The following OXR1 variants were observed in gnomAD, a reference collection of about 807,000 sequenced individuals.
The protein encoded by OXR1 is oxidation resistance protein 1.
OXR1 carries 41 observed loss-of-function variants against 104.6 expected under a neutral mutation model. The observed-to-expected ratio is 0.39, with a 90% CI of 0.31 to 0.51. The LOEUF (loss-of-function observed/expected upper bound fraction) is 0.51. Among genes scored for constraint, OXR1 ranks in the 20% least tolerant of loss-of-function variants. OXR1 has a pLI of 0.77. For synonymous variants in OXR1, 348 were observed against 348.4 expected (o/e 1.00, Z 0.01); for missense variants, 955 against 1,031.9 (o/e 0.93, Z 1.02).
intron 1 of OXR1, chr8:106,272,452 T>G (rs550853365): frequency 2.0e-5 from 3 of 152,302 alleles, no homozygotes; most frequent in Admixed American, 2.0e-4. Context: ...AAAGGTCCAG[T>G]CCCTGAGATC....
At chr8:106,502,616 T>C (rs1454182965) in intron 2 of OXR1, among the ~76,000 whole-genome samples, 1 of 152,196 alleles carries the variant, frequency 6.6e-6, no homozygotes, top group Non-Finnish European at 1.5e-5. Flanking sequence ...GATTCACCTA[T>C]AATTTTTGCT....
chr8:106,482,552 GCA>G (rs1481571341), intron 2 of OXR1, among the ~76,000 whole-genome samples: 3 of 151,944 alleles, frequency 2.0e-5, no homozygotes, highest in Admixed American at 6.6e-5. Flanking sequence ...ACTCAAGCTT[GCA>G]CACAGTGTCC....
chr8:106,384,221 A>T (rs535133038), intron 2 of OXR1, among the ~76,000 whole-genome samples: 11 of 152,348 alleles, frequency 7.2e-5, no homozygotes, highest in Non-Finnish European at 1.2e-4. Context: ...GTCTGTGATG[A>T]TGATGGTATC....
intron 2 of OXR1, among the ~76,000 whole-genome samples, chr8:106,478,675 T>C (rs1821934924): frequency 6.6e-6 from 1 of 151,772 alleles, no homozygotes; most frequent in Non-Finnish European, 1.5e-5. Context: ...GAGATGTCAA[T>C]GCCTTTGAGG....
intron 2 of OXR1, among the ~76,000 whole-genome samples, chr8:106,466,398 C>A (rs944895316): frequency 6.6e-6 from 1 of 151,600 alleles, no homozygotes; most frequent in Non-Finnish European, 1.5e-5. Context: ...TTTTTCAATG[C>A]CAATTCTTTT....
chr8:106,550,938 T>A (rs916057468), intron 3 of OXR1, among the ~76,000 whole-genome samples: 4 of 152,242 alleles, frequency 2.6e-5, no homozygotes, highest in African/African-American at 9.6e-5. Context: ...CTCAATTGTT[T>A]ATTCTAGAAT....
intron 1 of OXR1, among the ~76,000 whole-genome samples, chr8:106,323,329 G>A (rs144505890): frequency 2.9e-4 from 44 of 152,096 alleles, no homozygotes; most frequent in African/African-American, 9.6e-4. Context: ...AACTGGCTAG[G>A]CATATGCAGA....
intron 16 of OXR1, among the ~76,000 whole-genome samples, chr8:106,746,793 G>T (rs569964761): frequency 4.0e-5 from 6 of 150,522 alleles, no homozygotes; most frequent in South Asian, 2.1e-4. Flanking sequence ...TATACCTTTT[G>T]GGGGGGGTAT....
rs539810565 is a variant in OXR1, at chr8:106,398,895, T to C, written c.23+39259T>C. ...TCACTGCTTCACTCACTGAGTCTTA[T>C]TGTTCTCTAAAAATAATCCTTTCAC... On this transcript the variant is annotated intron_variant, in intron 2 of 16. Transcript: ENST00000517566. Among the ~76,000 whole-genome samples, 6 of 152,296 alleles carry C rather than the reference T, an allele frequency of 3.9e-5. No homozygotes were observed. In the South Asian group the frequency reaches 8.3e-4, roughly 21 times the overall value.
At chr8:106,337,664 G>T (rs1240340251) in intron 1 of OXR1, among the ~76,000 whole-genome samples, 1 of 152,138 alleles carries the variant, frequency 6.6e-6, no homozygotes, top group African/African-American at 2.4e-5. Flanking sequence ...GTAGTCTTAA[G>T]TATCTCAGAG....
Position 106,308,838 on chromosome 8 carries a change from T to C in OXR1, c.-139+38471T>C, listed in dbSNP as rs574745067. On this transcript the variant is annotated intron_variant, in intron 1 of 16. Coordinates refer to ENST00000517566, the MANE Select transcript of OXR1 (RefSeq NM_001198533.2). ...CATAGGAAAATATTCAATATTTACT[T>C]GCTTTTTATCCTTATATTTTATAAA... 3.3e-5 allele frequency among the ~76,000 whole-genome samples: 5 copies of C among 152,320 alleles called. No homozygotes were observed. In the South Asian group the frequency reaches 6.2e-4, roughly 19 times the overall value.
rs398009247 is a variant in OXR1 at position 106,487,355 on chromosome 8, T to TTC, written c.24-31588_24-31587insTC. On this transcript the variant is annotated intron_variant, in intron 2 of 16. Coordinates refer to ENST00000517566, the MANE Select transcript of OXR1 (RefSeq NM_001198533.2). ...CAGGTATTTCTTTTTTTTTTTTTTT[T>TTC]ATGCTGTTTATTTTTTAATTTTTAT... Among the ~76,000 whole-genome samples the TTC allele has an allele frequency of 9.3e-5, 14 of 149,974 alleles. No individual in the cohort carries two copies. In the South Asian group the frequency reaches 3.0e-3, roughly 32 times the overall value.
chr8:106,572,060 C>G (rs1817510417), intron 3 of OXR1, among the ~76,000 whole-genome samples: 1 of 152,162 alleles, frequency 6.6e-6, no homozygotes, highest in African/African-American at 2.4e-5. Context: ...CCCACTCTTT[C>G]AAATGGAATA....
At chr8:106,275,783 C>A (rs1016083110) in intron 1 of OXR1, among the ~76,000 whole-genome samples, 1 of 151,302 alleles carries the variant, frequency 6.6e-6, no homozygotes, top group Admixed American at 6.6e-5. Flanking sequence ...TCAGGAGCAA[C>A]AACAAACACA....
At chr8:106,749,704 A>G (rs749499077) in intron 16 of OXR1, among the ~76,000 whole-genome samples, 14 of 152,078 alleles carry the variant, frequency 9.2e-5, no homozygotes, top group Non-Finnish European at 1.3e-4. Flanking sequence ...CTGACTTGAT[A>G]TATTACTTTA....
intron 1 of OXR1, among the ~76,000 whole-genome samples, chr8:106,308,060 T>A (rs1195169949): frequency 1.3e-5 from 2 of 151,828 alleles, no homozygotes; most frequent in Non-Finnish European, 2.9e-5. Flanking sequence ...AAAGAGAGAT[T>A]GGCTCAGATG....
At chr8:106,294,350 T>C (rs970779886) in intron 1 of OXR1, among the ~76,000 whole-genome samples, 17 of 132,066 alleles carry the variant, frequency 1.3e-4, no homozygotes, top group African/African-American at 4.9e-4. Flanking sequence ...TGAGCCGAGA[T>C]GCACCATTGC....
At chr8:106,298,974 T>C (rs1216524930) in intron 1 of OXR1, among the ~76,000 whole-genome samples, 1 of 152,026 alleles carries the variant, frequency 6.6e-6, no homozygotes, top group Admixed American at 6.6e-5. Context: ...GTGTGTGTTA[T>C]ATGTAATAAC....
At chr8:106,564,541 T>C (rs1460312832) in intron 3 of OXR1, among the ~76,000 whole-genome samples, 2 of 152,128 alleles carry the variant, frequency 1.3e-5, no homozygotes, top group Non-Finnish European at 1.5e-5. Flanking sequence ...CACAAGTGAA[T>C]TCTACCAGAG....
Sources: allele counts gnomAD v4.1 joint callset (sites outside exome capture counted in the v4.1 genomes callset), GRCh38; gene constraint gnomAD v4.1.1; transcripts MANE v1.5; gene names NCBI Gene and HGNC (gene_info 2026-07-23, HGNC 2026-07-21).